The following IGSF5 variants were observed in gnomAD, a reference collection of about 807,000 sequenced individuals.
The protein encoded by IGSF5 is immunoglobulin superfamily 5 like.
IGSF5 carries 41 observed loss-of-function variants against 39.4 expected under a neutral mutation model. That is an observed-to-expected ratio of 1.04 (90% CI 0.81 to 1.35). The LOEUF (loss-of-function observed/expected upper bound fraction) is 1.35. Ranked by LOEUF, IGSF5 falls within the 40% of genes most tolerant of loss-of-function variation. IGSF5 has a pLI of 0.00. For missense variants in IGSF5, 487 were observed against 494.6 expected, an observed-to-expected ratio of 0.98 and a Z score of 0.15; for synonymous variants, 183 against 175.3, an observed-to-expected ratio of 1.04 and a Z score of -0.34.
the IGSF5 span, chr21:39,729,037 A>G: frequency 4.6e-5 from 7 of 152,300 alleles, no homozygotes; most frequent in Non-Finnish European, 8.8e-5. Context: ...TTCTTTATGT[A>G]TCCACCTGGA....
chr21:39,720,412 AG>A, the IGSF5 span, among the ~76,000 whole-genome samples: 2,891 of 152,320 alleles, frequency 0.019, 41 homozygotes, highest in Middle Eastern at 0.031. Flanking sequence ...TTTATGGCCC[AG>A]GGGTTGGGGA....
rs772285252 is a variant in IGSF5, at chr21:39,801,342, T to C, written c.1209T>C (p.Asn403=). Residue 403 remains asparagine (N), a synonymous_variant, in exon 9 of 9, where the codon AAT becomes AAC. Coordinates refer to ENST00000380588, the MANE Select transcript of IGSF5 (RefSeq NM_001080444.2). ...FNLASPEKVS[N]TTVV ...TGGCCAGTCCTGAGAAGGTCAGTAA[T>C]ACAACTGTAGTATAGCAAAGCCTTC... 4 of 1,613,356 alleles carry C rather than the reference T, an allele frequency of 2.5e-6. No individual in the cohort carries two copies. The highest frequency in any genetic ancestry group is 3.3e-5 in the Admixed American group (2 of 60,018).
intron 5 of IGSF5, among the ~76,000 whole-genome samples, chr21:39,783,101 C>A (rs560935852): frequency 1.3e-5 from 2 of 152,298 alleles, no homozygotes; most frequent in East Asian, 1.9e-4. Flanking sequence ...ACACGTGCCA[C>A]ATTTTCTTTA....
chr21:39,782,276 T>C (rs4818094), intron 5 of IGSF5, among the ~76,000 whole-genome samples: 107,054 of 152,068 alleles, frequency 0.7, 37,972 homozygotes, highest in Admixed American at 0.75. Flanking sequence ...GAGTCTGCCT[T>C]GTAGCTTTCC....
rs541485805 is a variant in IGSF5 at position 39,775,966 on chromosome 21, C to T, written c.719-3124C>T. ...TGGCCCTGTGGCTTCCTGTTCTGGGCTCCCTGTGCCATTTACTTAGTCACT... is the reference window on the plus strand; with the variant it reads ...TGGCCCTGTGGCTTCCTGTTCTGGGTTCCCTGTGCCATTTACTTAGTCACT... On this transcript the variant is annotated intron_variant, in intron 4 of 8. Coordinates refer to ENST00000380588, the MANE Select transcript of IGSF5 (RefSeq NM_001080444.2). Among the ~76,000 whole-genome samples the T allele has an allele frequency of 1.1e-4, 17 of 152,254 alleles. No individual in the cohort carries two copies. The South Asian group carries it at 3.5e-3, about 32-fold the overall frequency.
At chr21:39,800,507 C>T (rs973443707) in intron 8 of IGSF5, among the ~76,000 whole-genome samples, 2 of 152,236 alleles carry the variant, frequency 1.3e-5, no homozygotes, top group African/African-American at 4.8e-5. Flanking sequence ...GACATAGTTC[C>T]ATCCGCTGTC....
intron 2 of IGSF5, among the ~76,000 whole-genome samples, chr21:39,750,766 T>C (rs988955352): frequency 7.9e-5 from 12 of 152,194 alleles, no homozygotes. Context: ...GGATTTGTTC[T>C]TGTGGATGTC....
At chr21:39,749,432 C>T (rs577441931) in intron 2 of IGSF5, among the ~76,000 whole-genome samples, 35 of 152,298 alleles carry the variant, frequency 2.3e-4, no homozygotes, top group African/African-American at 7.7e-4. Flanking sequence ...AGGCTGGTCT[C>T]GTACTCCTGA....
intron 2 of IGSF5, among the ~76,000 whole-genome samples, chr21:39,749,253 C>T (rs2079992560): frequency 6.6e-6 from 1 of 151,064 alleles, no homozygotes; most frequent in African/African-American, 2.4e-5. Context: ...CGCCATGTCA[C>T]CCAGGCTGGA....
chr21:39,764,018 A>G (rs968498780), intron 2 of IGSF5, among the ~76,000 whole-genome samples: 2 of 152,124 alleles, frequency 1.3e-5, no homozygotes, highest in Admixed American at 6.6e-5. Flanking sequence ...GTCCAGGGAC[A>G]AAACAAAGAG....
intron 2 of IGSF5, among the ~76,000 whole-genome samples, chr21:39,747,144 G>T (rs114052649): frequency 0.099 from 15,067 of 152,206 alleles, 2,432 homozygotes; most frequent in African/African-American, 0.34. Context: ...GAGTTTTAAT[G>T]AACTCACAGC....
intron 8 of IGSF5, among the ~76,000 whole-genome samples, chr21:39,795,825 G>C (rs2086992779): frequency 6.6e-6 from 1 of 152,012 alleles, no homozygotes; most frequent in South Asian, 2.1e-4. Flanking sequence ...TCTTCTAGGG[G>C]AGCCGGGCAC....
rs1233182327 is a variant in IGSF5, at chr21:39,793,609, A to G, written c.1124A>G (p.His375Arg). Residue 375 changes from histidine (H) to arginine (R), a missense_variant, in exon 8 of 9, where the codon CAC (histidine) becomes CGC (arginine). Physicochemically the swap from His to Arg is conservative, Grantham distance 29. Transcript: ENST00000380588. Reference protein sequence around the residue: ...EQRNSSCGPPHQRADQRPPRP... With the variant: ...EQRNSSCGPPRQRADQRPPRP... ...AGAAACAGTAGCTGTGGCCCTCCTC[A>G]CCAGGTAGTTTAGACCATTTTCCCC... is the stretch of plus-strand genomic sequence containing the variant. 6.2e-7 allele frequency: 1 copy of G among 1,613,204 alleles called. No homozygotes were observed. Among genetic ancestry groups the G allele is most frequent in the African/African-American group, 1.3e-5 (1 of 74,866 alleles).
the IGSF5 span, among the ~76,000 whole-genome samples, chr21:39,719,256 C>G: frequency 6.6e-6 from 1 of 152,198 alleles, no homozygotes; most frequent in Non-Finnish European, 1.5e-5. Context: ...CCTGCCTCAG[C>G]CTCCCGTGTA....
At chr21:39,739,672 T>G in the IGSF5 span, among the ~76,000 whole-genome samples, 1 of 152,104 alleles carries the variant, frequency 6.6e-6, no homozygotes, top group Non-Finnish European at 1.5e-5. Flanking sequence ...CCTGCTGGCC[T>G]GGGGTGTAGT....
chr21:39,800,731 C>G (rs2087024071), intron 8 of IGSF5, among the ~76,000 whole-genome samples: 1 of 152,148 alleles, frequency 6.6e-6, no homozygotes, highest in Non-Finnish European at 1.5e-5. Context: ...TTTAATAAGG[C>G]AATATTATGA....
the IGSF5 span, among the ~76,000 whole-genome samples, chr21:39,726,751 T>C: frequency 6.6e-5 from 10 of 152,202 alleles, no homozygotes; most frequent in African/African-American, 2.4e-4. Flanking sequence ...CTTTTCTGCC[T>C]GTTCTCCTGC....
chr21:39,797,805 G>A (rs2087005932), intron 8 of IGSF5, among the ~76,000 whole-genome samples: 1 of 152,188 alleles, frequency 6.6e-6, no homozygotes, highest in Admixed American at 6.5e-5. Context: ...ATAAGCATGA[G>A]CCACTGCACC....
chr21:39,801,588 A>T lies in IGSF5; in HGVS notation c.*231A>T, dbSNP rs1423324256. On this transcript the variant is annotated 3_prime_UTR_variant, in exon 9 of 9. Coordinates refer to ENST00000380588, the MANE Select transcript of IGSF5 (RefSeq NM_001080444.2). ...TTTCATGGTTTTTGTGAATTCCATGAAGTTACTAAGTAAAAGCTGCAAATT... is the reference window on the plus strand; with the variant it reads ...TTTCATGGTTTTTGTGAATTCCATGTAGTTACTAAGTAAAAGCTGCAAATT... 2.6e-6 allele frequency: 1 copy of T among 387,890 alleles called. No homozygotes were observed. Among genetic ancestry groups the T allele is most frequent in the African/African-American group, 2.0e-5 (1 of 49,732 alleles). The allele number at this position is 387,890 out of a possible 1,614,324, so 24.0% of individuals were successfully genotyped here. A position where few individuals can be genotyped will look rare whatever the true frequency, so the allele number is the denominator to read the frequency against.
Sources: allele counts gnomAD v4.1 joint callset (sites outside exome capture counted in the v4.1 genomes callset), GRCh38; gene constraint gnomAD v4.1.1; transcripts MANE v1.5; gene names NCBI Gene and HGNC (gene_info 2026-07-23, HGNC 2026-07-21).